HERC2: variants seen among roughly 807,000 people sequenced by gnomAD.
HERC2 encodes the protein HECT and RLD domain containing E3 ubiquitin protein ligase 2, also known as E3 ubiquitin-protein ligase HERC2.
In HERC2, 102 loss-of-function variants were observed where a neutral mutation model predicts 537.7. That is an observed-to-expected ratio of 0.19 (90% confidence interval 0.16 to 0.22). The LOEUF (loss-of-function observed/expected upper bound fraction) is 0.22, where lower values mean the gene tolerates loss of function less well. Among genes scored for constraint, HERC2 ranks in the 10% least tolerant of loss-of-function variants. The probability of loss-of-function intolerance (pLI) is 1.00; values close to 1 mark genes in which losing one functional copy is unlikely to be tolerated. For synonymous variants in HERC2, 2,224 were observed against 2,466.2 expected, an observed-to-expected ratio of 0.90 and a Z score of 2.91; for missense variants, 4,236 against 6,198.2, an observed-to-expected ratio of 0.68 and a Z score of 10.63.
chr15:28,279,606 AC>A (rs1318540376), intron 5 of HERC2, among the ~76,000 whole-genome samples: 1 of 133,188 alleles, frequency 7.5e-6, no homozygotes, highest in Non-Finnish European at 1.5e-5. Flanking sequence ...CAGGAGCAAG[AC>A]CCCATCTCCA....
intron 56 of HERC2, 119 bp downstream of exon 56, chr15:28,186,458 G>C (rs549451407): frequency 1.5e-6 from 1 of 686,958 alleles, no homozygotes; most frequent in Non-Finnish European, 2.3e-6. Context: ...TTTACCAATC[G>C]TGTGGACATA....
At chr15:28,116,950 C>T in intron 87 of HERC2, 63 bp downstream of exon 87, 1 of 1,612,264 alleles carries the variant, frequency 6.2e-7, no homozygotes, top group Non-Finnish European at 8.5e-7. Flanking sequence ...CCTCTGTGCT[C>T]CCTGTGGGCT....
rs189990971 is a variant in HERC2 at position 28,176,810 on chromosome 15, C to T, written c.9433-42G>A. The T allele has an allele frequency of 6.4e-5, 102 of 1,598,154 alleles. No homozygotes were observed. Among genetic ancestry groups the T allele is most frequent in the East Asian group, 1.1e-4 (5 of 44,790 alleles). ...TTAAAAACAGAATCACGCACAGGCA[C>T]GGAGAAAGCAATGGATTTTCCCACA... On this transcript the variant is annotated intron_variant, in intron 61 of 92. Transcript: ENST00000261609. The surrounding 1 kb of genome is among the most constrained non-coding windows in gnomAD (Gnocchi z 5.0).
chr15:28,240,870 C>A (rs759620286), intron 23 of HERC2, among the ~76,000 whole-genome samples: 38 of 131,114 alleles, frequency 2.9e-4, no homozygotes, highest in South Asian at 8.3e-4. Context: ...AGACCCTTAC[C>A]TTACGCCACA....
At chr15:28,129,229 G>A (rs113192919) in intron 83 of HERC2, among the ~76,000 whole-genome samples, 12 of 152,212 alleles carry the variant, frequency 7.9e-5, no homozygotes, top group African/African-American at 2.2e-4. Context: ...TATGGCAAGA[G>A]GACACAGAGT....
intron 21 of HERC2, 49 bp from the exon 22 acceptor site, chr15:28,246,946 T>C (rs1165927085): frequency 6.5e-7 from 1 of 1,533,736 alleles, no homozygotes; most frequent in East Asian, 2.3e-5. Context: ...AAATTTTTCT[T>C]TGTAAACAAA....
In HERC2 at chr15:28,159,446, T is replaced by C. The variant is rs553205819; in HGVS notation, c.10746+3648A>G. On this transcript the variant is annotated intron_variant, in intron 69 of 92. Transcript: ENST00000261609. ...AGGTTTTGTTCATTTCTTTTTATTC[T>C]TTTTTCTCTAAACTTCTCGCTTCAT... 4.6e-5 allele frequency among the ~76,000 whole-genome samples: 7 copies of C among 152,322 alleles called. No individual in the cohort carries two copies. In the South Asian group the frequency reaches 1.4e-3, roughly 32 times the overall value.
At chr15:28,164,124 AGT>A (rs1169039603) in intron 68 of HERC2, among the ~76,000 whole-genome samples, 3 of 152,210 alleles carry the variant, frequency 2.0e-5, no homozygotes, top group African/African-American at 7.2e-5. Flanking sequence ...GCAGAGCAGG[AGT>A]GTGTCAAGCC....
At chr15:28,152,016 A>C (rs980236513) in intron 70 of HERC2, among the ~76,000 whole-genome samples, 3 of 152,246 alleles carry the variant, frequency 2.0e-5, no homozygotes, top group Admixed American at 1.3e-4. Flanking sequence ...GGTGCTAATA[A>C]GCCTCAGGGA....
chr15:28,266,120 G>A, intron 12 of HERC2, 146 bp from the exon 13 acceptor site: 1 of 855,472 alleles, frequency 1.2e-6, no homozygotes, highest in East Asian at 2.7e-5. Flanking sequence ...AAAGAAGGAA[G>A]AGAGAATTCC....
At position 28,229,656 on chromosome 15, in the gene HERC2, T is replaced by G. The variant is rs750973761; in HGVS notation, c.4983+18A>C. ...GTATATTACCCAATGCAGAGAAGCATTTCTCATCAAATGTTACCTGTTTTA... is the reference window on the plus strand; with the variant it reads ...GTATATTACCCAATGCAGAGAAGCAGTTCTCATCAAATGTTACCTGTTTTA... On this transcript the variant is annotated intron_variant, in intron 32 of 92. Coordinates refer to ENST00000261609, the MANE Select transcript of HERC2 (RefSeq NM_004667.6). 1.2e-6 allele frequency: 2 copies of G among 1,610,512 alleles called. No individual in the cohort carries two copies. The highest frequency in any genetic ancestry group is 1.3e-5 in the African/African-American group (1 of 74,940).
chr15:28,194,559 G>A (rs541634121), intron 52 of HERC2, among the ~76,000 whole-genome samples: 27 of 151,656 alleles, frequency 1.8e-4, no homozygotes, highest in Admixed American at 7.2e-4. Context: ...GCGACAGAGC[G>A]AGACTCCGTC....
At chr15:28,152,588 G>C in intron 70 of HERC2, 89 bp downstream of exon 70, 2 of 1,155,236 alleles carry the variant, frequency 1.7e-6, no homozygotes, top group South Asian at 1.9e-5. Context: ...ATAAAATGGA[G>C]ATGGTTGTTT....
Position 28,188,367 on chromosome 15 carries a change from C to T in HERC2, c.8650-1615G>A, listed in dbSNP as rs534063105. Among the ~76,000 whole-genome samples, 3 of 152,062 alleles carry T rather than the reference C, an allele frequency of 2.0e-5. No individual in the cohort carries two copies. In the East Asian group the frequency reaches 5.8e-4, roughly 30 times the overall value. On this transcript the variant is annotated intron_variant, in intron 55 of 92. Coordinates refer to ENST00000261609, the MANE Select transcript of HERC2 (RefSeq NM_004667.6). The stretch of plus-strand genomic sequence containing the variant: ...ACCATCCTCGCTAACGGTGAAACCC[C>T]GTCTCTACTAAAAATACAAAAACAA...
rs1379808452 is a variant in HERC2, at chr15:28,262,027, A to C, written c.2122+891T>G. 2.0e-5 allele frequency among the ~76,000 whole-genome samples: 3 copies of C among 152,186 alleles called. No homozygotes were observed. In the East Asian group the frequency reaches 5.8e-4, roughly 29 times the overall value. ...ACACTGCCAGGTCCACCTACTTCAA[A>C]TACAATCTGGTCCTTTAAGAAAAAG... is the stretch of plus-strand genomic sequence containing the variant. On this transcript the variant is annotated intron_variant, in intron 15 of 92. Transcript: ENST00000261609.
At chr15:28,309,092 T>C (rs1307568251) in intron 2 of HERC2, among the ~76,000 whole-genome samples, 1 of 152,256 alleles carries the variant, frequency 6.6e-6, no homozygotes, top group Non-Finnish European at 1.5e-5. Context: ...GGTCTAACCT[T>C]GAGGACGATC....
At chr15:28,293,669 T>C (rs113718111) in intron 3 of HERC2, among the ~76,000 whole-genome samples, 26 of 152,314 alleles carry the variant, frequency 1.7e-4, no homozygotes, top group Non-Finnish European at 3.4e-4. Flanking sequence ...TGCTTGTGTA[T>C]CCATGGGAAA....
intron 2 of HERC2, among the ~76,000 whole-genome samples, chr15:28,319,761 T>TTA (rs2077183362): frequency 1.1e-4 from 16 of 152,062 alleles, no homozygotes; most frequent in Admixed American, 1.0e-3. Flanking sequence ...AGCATTAAAC[T>TTA]GGTTTTAGAT....
intron 1 of HERC2, 42 bp from the exon 2 acceptor site, chr15:28,321,506 T>C (rs1349464350): frequency 2.8e-6 from 3 of 1,075,944 alleles, no homozygotes; most frequent in Non-Finnish European, 4.1e-6. Flanking sequence ...CGCTTTTTAA[T>C]AGTTTACAAA....
Sources: gnomAD v4.1 joint callset for allele counts (sites outside exome capture counted in the v4.1 genomes callset) on GRCh38, gnomAD v4.1.1 for gene constraint, Gnocchi (gnomAD v3.1) non-coding constraint, MANE v1.5 for transcripts, NCBI Gene and HGNC (gene_info 2026-07-23, HGNC 2026-07-21) for gene names.